The following SRD5A2 variants were observed in gnomAD, a reference collection of about 807,000 sequenced individuals.
The protein encoded by SRD5A2 is 3-oxo-5-alpha-steroid 4-dehydrogenase 2.
A neutral mutation model predicts 27.4 loss-of-function variants in SRD5A2; 30 were observed. That is an observed-to-expected ratio of 1.10 (90% CI 0.82 to 1.49). SRD5A2 has a LOEUF of 1.49. Ranked by LOEUF, SRD5A2 falls within the 40% of genes most tolerant of loss-of-function variation. SRD5A2 has a pLI of 0.00. For missense variants in SRD5A2, 348 were observed against 323.4 expected, an observed-to-expected ratio of 1.08 and a Z score of -0.58; for synonymous variants, 141 against 133.6, an observed-to-expected ratio of 1.06 and a Z score of -0.38.
chr2:31,643,110 G>C, the SRD5A2 span, among the ~76,000 whole-genome samples: 11 of 152,034 alleles, frequency 7.2e-5, no homozygotes, highest in Admixed American at 1.3e-4. Context: ...TTACATAAGT[G>C]CAAGCATTCA....
At chr2:31,556,142 G>T (rs757530436) in intron 1 of SRD5A2, among the ~76,000 whole-genome samples, 1 of 152,178 alleles carries the variant, frequency 6.6e-6, no homozygotes, top group African/African-American at 2.4e-5. Flanking sequence ...GGTCCTTGCC[G>T]AGAAGTAACT....
chr2:31,651,452 G>A, the SRD5A2 span: 8 of 231,302 alleles, frequency 3.5e-5, no homozygotes, highest in Non-Finnish European at 5.9e-5. Context: ...CATCATGCTG[G>A]CCAAGCAGAC....
At chr2:31,571,511 T>C (rs1246544019) in intron 1 of SRD5A2, among the ~76,000 whole-genome samples, 1 of 151,902 alleles carries the variant, frequency 6.6e-6, no homozygotes, top group African/African-American at 2.4e-5. Context: ...TAACCAAAAA[T>C]TGACAAATAG....
chr2:31,602,855 C>T, the SRD5A2 span, among the ~76,000 whole-genome samples: 1 of 151,982 alleles, frequency 6.6e-6, no homozygotes, highest in Non-Finnish European at 1.5e-5. Context: ...GAAGAACTGG[C>T]TAGCCATATG....
chr2:31,546,112 T>C lies in SRD5A2; in HGVS notation c.282-12346A>G, dbSNP rs969930677. On this transcript the variant is annotated intron_variant, in intron 1 of 4. Coordinates refer to ENST00000622030, the MANE Select transcript of SRD5A2 (RefSeq NM_000348.4). Reference sequence around the variant, plus strand: ...TTCATGGACTGGAAGACAATATTTTTCAAATGTCCATACTACCAACACAAT... The same window carrying C: ...TTCATGGACTGGAAGACAATATTTTCCAAATGTCCATACTACCAACACAAT... 5.7e-4 allele frequency among the ~76,000 whole-genome samples: 87 copies of C among 152,128 alleles called. 1 individual carries two copies. Among genetic ancestry groups the C allele is most frequent in the African/African-American group, 1.9e-3 (79 of 41,524 alleles).
At chr2:31,590,743 T>C in the SRD5A2 span, among the ~76,000 whole-genome samples, 1 of 152,038 alleles carries the variant, frequency 6.6e-6, no homozygotes, top group Non-Finnish European at 1.5e-5. Context: ...TATAGACCAA[T>C]GGAACAGAAC....
intron 1 of SRD5A2, among the ~76,000 whole-genome samples, chr2:31,554,467 T>C (rs1229816361): frequency 6.6e-6 from 1 of 152,184 alleles, no homozygotes; most frequent in Admixed American, 6.5e-5. Flanking sequence ...GGTATAGTTT[T>C]TCAATATGGA....
the SRD5A2 span, among the ~76,000 whole-genome samples, chr2:31,595,122 T>C: frequency 2.0e-5 from 3 of 151,812 alleles, no homozygotes; most frequent in East Asian, 3.9e-4. Flanking sequence ...AGACCACAAA[T>C]AGACAACCTA....
At chr2:31,554,324 C>T (rs557785549) in intron 1 of SRD5A2, among the ~76,000 whole-genome samples, 1 of 152,264 alleles carries the variant, frequency 6.6e-6, no homozygotes, top group South Asian at 2.1e-4. Flanking sequence ...AATATGAATG[C>T]TTTAATCAAT....
chr2:31,553,974 G>A (rs2148081090), intron 1 of SRD5A2, among the ~76,000 whole-genome samples: 1 of 152,212 alleles, frequency 6.6e-6, no homozygotes, highest in African/African-American at 2.4e-5. Context: ...TTGAAGGCTA[G>A]TCAATTTCTA....
chr2:31,562,683 G>C (rs1267558234), intron 1 of SRD5A2, among the ~76,000 whole-genome samples: 1 of 152,112 alleles, frequency 6.6e-6, no homozygotes, highest in African/African-American at 2.4e-5. Context: ...AAGGGAAAAG[G>C]AGGGAGAGGG....
intron 1 of SRD5A2, among the ~76,000 whole-genome samples, chr2:31,560,815 G>T (rs1244933360): frequency 6.6e-6 from 1 of 151,972 alleles, no homozygotes; most frequent in South Asian, 2.1e-4. Context: ...TCAAGACTTT[G>T]TTACTCGGTG....
the SRD5A2 span, among the ~76,000 whole-genome samples, chr2:31,655,438 T>C: frequency 2.0e-5 from 3 of 152,190 alleles, no homozygotes; most frequent in African/African-American, 7.2e-5. Flanking sequence ...ACAGCTAAAG[T>C]ATCTCACTGA....
chr2:31,646,418 G>A, the SRD5A2 span, among the ~76,000 whole-genome samples: 1 of 152,070 alleles, frequency 6.6e-6, no homozygotes, highest in African/African-American at 2.4e-5. Flanking sequence ...GCTACCCAAG[G>A]CTGCTAGAGC....
the SRD5A2 span, among the ~76,000 whole-genome samples, chr2:31,613,505 C>T: frequency 6.6e-6 from 1 of 152,030 alleles, no homozygotes; most frequent in Non-Finnish European, 1.5e-5. Flanking sequence ...CTCAAAAAGA[C>T]AAATGATAAC....
chr2:31,529,861 C>T (rs1232885443), intron 3 of SRD5A2, among the ~76,000 whole-genome samples: 1 of 152,108 alleles, frequency 6.6e-6, no homozygotes, highest in Non-Finnish European at 1.5e-5. Context: ...TTCACAGTCC[C>T]AAAATGTGAA....
chr2:31,599,790 A>G, the SRD5A2 span, among the ~76,000 whole-genome samples: 1 of 151,988 alleles, frequency 6.6e-6, no homozygotes, highest in Non-Finnish European at 1.5e-5. Context: ...AATAAATATC[A>G]GAGCTGAAAT....
At chr2:31,552,227 C>G (rs1395726530) in intron 1 of SRD5A2, among the ~76,000 whole-genome samples, 6 of 148,898 alleles carry the variant, frequency 4.0e-5, no homozygotes, top group Non-Finnish European at 7.4e-5. Context: ...TAGATGAGCA[C>G]AAAATGAAGA....
chr2:31,626,094 T>C, the SRD5A2 span, among the ~76,000 whole-genome samples: 9 of 152,304 alleles, frequency 5.9e-5, no homozygotes, highest in South Asian at 2.1e-4. Flanking sequence ...GTAAGTTGGA[T>C]TCCTAGGTAT....
Sources: gnomAD v4.1 joint callset for allele counts (sites outside exome capture counted in the v4.1 genomes callset) on GRCh38, gnomAD v4.1.1 for gene constraint, MANE v1.5 for transcripts, NCBI Gene and HGNC (gene_info 2026-07-23, HGNC 2026-07-21) for gene names.